GRM7: variants seen among roughly 807,000 people sequenced by gnomAD.
The protein encoded by GRM7 is metabotropic glutamate receptor 7.
A neutral mutation model predicts 84.5 loss-of-function variants in GRM7; 35 were observed. The ratio of observed to expected loss-of-function variants is 0.41; its 90% CI spans 0.32 to 0.55. GRM7 has a LOEUF of 0.55. Among genes scored for constraint, GRM7 ranks in the 20% least tolerant of loss-of-function variants. The pLI is 0.19. For synonymous variants in GRM7, 487 were observed against 455.1 expected, an observed-to-expected ratio of 1.07 and a Z score of -0.89; for missense variants, 1,003 against 1,194.6, an observed-to-expected ratio of 0.84 and a Z score of 2.36.
At chr3:7,460,424 GCT>G (rs1698199223) in intron 6 of GRM7, among the ~76,000 whole-genome samples, 1 of 152,054 alleles carries the variant, frequency 6.6e-6, no homozygotes, top group African/African-American at 2.4e-5. Context: ...GCAAGCTGGG[GCT>G]CACATTGGGA....
intron 8 of GRM7, among the ~76,000 whole-genome samples, chr3:7,621,971 A>G (rs1188921022): frequency 2.0e-5 from 3 of 152,194 alleles, no homozygotes; most frequent in Admixed American, 6.6e-5. Flanking sequence ...TGCTAGAACA[A>G]CAACTCTATC....
At chr3:7,159,755 G>C (rs1456824705) in intron 2 of GRM7, among the ~76,000 whole-genome samples, 6 of 152,254 alleles carry the variant, frequency 3.9e-5, no homozygotes, top group South Asian at 4.1e-4. Flanking sequence ...TCAGGACGTA[G>C]TAAGGAAGCC....
intron 1 of GRM7, among the ~76,000 whole-genome samples, chr3:7,005,505 C>T (rs960116618): frequency 5.9e-5 from 9 of 152,156 alleles, no homozygotes; most frequent in African/African-American, 2.2e-4. Context: ...AACTTATGTT[C>T]AATAGTACCA....
chr3:7,286,932 G>C (rs774372543), intron 2 of GRM7, among the ~76,000 whole-genome samples: 3 of 152,048 alleles, frequency 2.0e-5, no homozygotes, highest in Non-Finnish European at 4.4e-5. Flanking sequence ...TGTTACATTG[G>C]CTTAAAATGA....
At chr3:7,259,602 CT>C (rs1698331956) in intron 2 of GRM7, among the ~76,000 whole-genome samples, 1 of 152,150 alleles carries the variant, frequency 6.6e-6, no homozygotes, top group Non-Finnish European at 1.5e-5. Context: ...ATCCATGTTC[CT>C]GCAAAGGACA....
chr3:7,399,241 A>AC (rs1695346180), intron 4 of GRM7, among the ~76,000 whole-genome samples: 1 of 151,752 alleles, frequency 6.6e-6, no homozygotes. Flanking sequence ...TCTGGAATCC[A>AC]CCCTCTACCT....
chr3:7,626,310 A>G (rs1697606668), intron 8 of GRM7, among the ~76,000 whole-genome samples: 1 of 152,112 alleles, frequency 6.6e-6, no homozygotes, highest in African/African-American at 2.4e-5. Flanking sequence ...ACTTTCTAAC[A>G]TGAAACGTCC....
At chr3:7,168,088 G>A (rs1432709619) in intron 2 of GRM7, among the ~76,000 whole-genome samples, 1 of 149,170 alleles carries the variant, frequency 6.7e-6, no homozygotes, top group Non-Finnish European at 1.5e-5. Flanking sequence ...GCAGTTCTCA[G>A]AGAATGGGAT....
At chr3:6,879,045 T>C (rs1320186729) in intron 1 of GRM7, among the ~76,000 whole-genome samples, 1 of 152,158 alleles carries the variant, frequency 6.6e-6, no homozygotes, top group Non-Finnish European at 1.5e-5. Flanking sequence ...CTACCCTAAA[T>C]TGGCCAAAGG....
intron 7 of GRM7, among the ~76,000 whole-genome samples, chr3:7,548,756 C>T (rs1404562412): frequency 6.6e-6 from 1 of 152,184 alleles, no homozygotes; most frequent in East Asian, 1.9e-4. Context: ...TGTGGGCATT[C>T]AGGAAGAGGC....
chr3:7,588,516 C>G (rs910074144), intron 8 of GRM7, among the ~76,000 whole-genome samples: 2 of 152,136 alleles, frequency 1.3e-5, no homozygotes, highest in South Asian at 4.1e-4. Flanking sequence ...TCAAGGAGGG[C>G]CCCTGTGGAA....
intron 1 of GRM7, among the ~76,000 whole-genome samples, chr3:6,902,541 C>A (rs566493112): frequency 6.6e-6 from 1 of 152,084 alleles, no homozygotes; most frequent in Non-Finnish European, 1.5e-5. Context: ...GCCCCAGACA[C>A]CTGAATAAAC....
chr3:7,320,866 A>G (rs537349754), intron 4 of GRM7, among the ~76,000 whole-genome samples: 17 of 152,042 alleles, frequency 1.1e-4, no homozygotes, highest in Admixed American at 4.6e-4. Context: ...CATTTGTTTT[A>G]TGAGGGCTCT....
intron 6 of GRM7, among the ~76,000 whole-genome samples, chr3:7,460,773 A>G (rs1036538276): frequency 1.3e-5 from 2 of 152,218 alleles, no homozygotes; most frequent in Non-Finnish European, 2.9e-5. Flanking sequence ...CAGTTGTTCT[A>G]TGTGGTTAAT....
chr3:7,495,506 G>A (rs1047949883), intron 7 of GRM7, among the ~76,000 whole-genome samples: 2 of 152,044 alleles, frequency 1.3e-5, no homozygotes, highest in Non-Finnish European at 2.9e-5. Flanking sequence ...TGACAAAGAG[G>A]CTTCCTGGAC....
At chr3:7,478,023 T>G (rs1698992135) in intron 7 of GRM7, among the ~76,000 whole-genome samples, 1 of 152,144 alleles carries the variant, frequency 6.6e-6, no homozygotes, top group South Asian at 2.1e-4. Context: ...TGGATTTTTT[T>G]GAATTTCTAC....
intron 1 of GRM7, among the ~76,000 whole-genome samples, chr3:6,942,465 G>T (rs527777085): frequency 6.6e-6 from 1 of 152,126 alleles, no homozygotes; most frequent in African/African-American, 2.4e-5. Flanking sequence ...TACATCTTCT[G>T]AAATGTTATT....
intron 7 of GRM7, among the ~76,000 whole-genome samples, chr3:7,479,016 G>A (rs1434843756): frequency 1.3e-5 from 2 of 152,102 alleles, no homozygotes; most frequent in African/African-American, 4.8e-5. Flanking sequence ...GGCCTCAGAA[G>A]TCCGGCTTGG....
chr3:6,949,316 G>T (rs183510509), intron 1 of GRM7, among the ~76,000 whole-genome samples: 8 of 152,188 alleles, frequency 5.3e-5, no homozygotes, highest in African/African-American at 1.7e-4. Flanking sequence ...CATTTATGAA[G>T]CTTAGTTTGG....
Sources: allele counts gnomAD v4.1 joint callset (sites outside exome capture counted in the v4.1 genomes callset), GRCh38; gene constraint gnomAD v4.1.1; transcripts MANE v1.5; gene names NCBI Gene and HGNC (gene_info 2026-07-23, HGNC 2026-07-21).